Variants in ARAP1 observed in about 807,000 individuals in gnomAD.
ARAP1 encodes the protein ArfGAP with RhoGAP domain, ankyrin repeat and PH domain 1.
ARAP1 carries 76 observed loss-of-function variants against 172.2 expected under a neutral mutation model. The observed-to-expected ratio is 0.44, with a 90% CI of 0.37 to 0.53. The LOEUF (loss-of-function observed/expected upper bound fraction) is 0.53. Among genes scored for constraint, ARAP1 ranks in the 20% least tolerant of loss-of-function variants. The pLI, the probability that ARAP1 is intolerant of heterozygous loss-of-function variation, is 0.00. For missense variants in ARAP1, 1,686 were observed against 1,977.5 expected, an observed-to-expected ratio of 0.85 and a Z score of 2.80; for synonymous variants, 804 against 803.3, an observed-to-expected ratio of 1.00 and a Z score of -0.01.
chr11:72,749,352 A>T (rs1858468908), intron 1 of ARAP1, among the ~76,000 whole-genome samples: 1 of 152,084 alleles, frequency 6.6e-6, no homozygotes, highest in African/African-American at 2.4e-5. Flanking sequence ...AATGTCACCT[A>T]ATTTCTTGGG....
intron 2 of ARAP1, among the ~76,000 whole-genome samples, chr11:72,728,627 A>G (rs1857769642): frequency 6.6e-6 from 1 of 152,178 alleles, no homozygotes; most frequent in African/African-American, 2.4e-5. Context: ...GAAAATTAAT[A>G]TAACAGAAAT....
intron 16 of ARAP1, chr11:72,700,324 A>C (rs1856422297): frequency 6.6e-6 from 1 of 152,458 alleles, no homozygotes; most frequent in Non-Finnish European, 1.5e-5. Context: ...GTTCCAAAGA[A>C]ATCTCTTTGG....
intron 1 of ARAP1, among the ~76,000 whole-genome samples, chr11:72,747,210 C>T (rs1243868853): frequency 2.0e-5 from 3 of 152,196 alleles, no homozygotes; most frequent in African/African-American, 7.2e-5. Flanking sequence ...CTTCTCCCAC[C>T]CTCTTGCCTT....
chr11:72,698,085 C>G lies in ARAP1; in HGVS notation c.2563G>C (p.Glu855Gln). ...TCAAAATCCCGGGCCAGCAGATCCTCGGCTAGGGGAGGCACGAATGCCTGG... is the reference window on the plus strand; with the variant it reads ...TCAAAATCCCGGGCCAGCAGATCCTGGGCTAGGGGAGGCACGAATGCCTGG... ...IAKAFVPPLAEDLLARDFERL... is the reference protein window; with the variant it reads ...IAKAFVPPLAQDLLARDFERL... The change falls in exon 19 of 35, where the codon GAG becomes CAG. Residue 855 changes from glutamate (E) to glutamine (Q), a missense_variant. Glu to Gln is a conservative substitution (Grantham distance 29, BLOSUM62 2). Transcript: ENST00000393609. 1 of 1,601,942 alleles carries G rather than the reference C, an allele frequency of 6.2e-7. No individual in the cohort carries two copies. The highest frequency in any genetic ancestry group is 8.5e-7 in the Non-Finnish European group (1 of 1,175,042).
At position 72,687,737 on chromosome 11, in the gene ARAP1, A is replaced by C; in HGVS notation, c.4072T>G (p.Trp1358Gly). Residue 1358 changes from tryptophan (W) to glycine (G), a missense_variant and splice_region_variant, in exon 32 of 35, where the codon TGG becomes GGG. Physicochemically the swap from Trp to Gly is radical, Grantham distance 184. Around this residue, in one of 5 missense-constraint regions of ARAP1, gnomAD observed 379 missense variants for 500.1 expected, o/e 0.76. Transcript: ENST00000393609. ...VKKKLRPPTC[W>G]GFTVVHETEK... ...GTCTCATGCACCACTGTGAAGCCCC[A>C]GCTACAGAGGAAGAAGGGAGAGAGT... is the stretch of plus-strand genomic sequence containing the variant. The C allele has an allele frequency of 6.2e-7, 1 of 1,614,184 alleles. No individual in the cohort carries two copies. Among genetic ancestry groups the C allele is most frequent in the Non-Finnish European group, 8.5e-7 (1 of 1,180,026 alleles).
intron 3 of ARAP1, among the ~76,000 whole-genome samples, chr11:72,720,571 C>T (rs1199105779): frequency 6.6e-6 from 1 of 152,126 alleles, no homozygotes; most frequent in African/African-American, 2.4e-5. Flanking sequence ...GAATGACCAC[C>T]ACCCTACTCG....
Position 72,712,525 on chromosome 11 carries a change from GCCA to G in ARAP1, c.788_790del (p.Val263del). The G allele has an allele frequency of 6.2e-7, 1 of 1,613,464 alleles. No homozygotes were observed. Among genetic ancestry groups the G allele is most frequent in the Non-Finnish European group, 8.5e-7 (1 of 1,179,844 alleles). ...TTCCTCTCCCTCGCTCAGCAGACTGGCCACGCGCACGGCCCGTGGGACTCGGCT... is the reference window on the plus strand; with the variant it reads ...TTCCTCTCCCTCGCTCAGCAGACTGGCGCGCACGGCCCGTGGGACTCGGCT... On this transcript the variant is annotated inframe_deletion, in exon 6 of 35. Coordinates refer to ENST00000393609, the MANE Select transcript of ARAP1 (RefSeq NM_001040118.3).
chr11:72,749,320 G>T (rs1858468339), intron 1 of ARAP1, among the ~76,000 whole-genome samples: 1 of 152,180 alleles, frequency 6.6e-6, no homozygotes, highest in Admixed American at 6.5e-5. Flanking sequence ...GCCTCTCTGT[G>T]CCTCAGTTTC....
Position 72,716,509 on chromosome 11 carries a change from C to T in ARAP1, c.510-2188G>A, listed in dbSNP as rs954309319. On this transcript the variant is annotated intron_variant, in intron 3 of 34. Coordinates refer to ENST00000393609, the MANE Select transcript of ARAP1 (RefSeq NM_001040118.3). ...GGCCTGTGGAGGAACAGCATCTGGACGGAGAGAAACTATAAGCAGATTCTA... is the reference window on the plus strand; with the variant it reads ...GGCCTGTGGAGGAACAGCATCTGGATGGAGAGAAACTATAAGCAGATTCTA... Among the ~76,000 whole-genome samples, 3 of 152,374 alleles carry T rather than the reference C, an allele frequency of 2.0e-5. No individual in the cohort carries two copies. In the East Asian group the frequency reaches 5.8e-4, roughly 29 times the overall value.
intron 1 of ARAP1, among the ~76,000 whole-genome samples, chr11:72,733,889 T>C (rs1857936989): frequency 6.6e-6 from 1 of 152,212 alleles, no homozygotes; most frequent in African/African-American, 2.4e-5. Flanking sequence ...AGTAGCGCAA[T>C]CTTGGCTCAC....
At chr11:72,696,495 TAGA>T in intron 23 of ARAP1, 51 bp downstream of exon 23, 2 of 1,381,198 alleles carry the variant, frequency 1.4e-6, no homozygotes, top group Middle Eastern at 1.9e-4. Context: ...AGGGTGGGGG[TAGA>T]AGAACCTTCA....
chr11:72,730,121 G>T (rs1297418599), intron 2 of ARAP1, among the ~76,000 whole-genome samples: 3 of 151,764 alleles, frequency 2.0e-5, no homozygotes, highest in African/African-American at 7.3e-5. Flanking sequence ...CCACACAAAG[G>T]GCTCATTTTC....
chr11:72,714,199 C>A lies in ARAP1; in HGVS notation c.632G>T (p.Cys211Phe). Reference protein sequence around the residue: ...GPPQPPSPPPCPPEIPPKPVR... With the variant: ...GPPQPPSPPPFPPEIPPKPVR... ...CGGCTTTGGAGGTATCTCCGGGGGG[C>A]AGGGAGGTGGAGAGGGAGGCTGGGG... Residue 211 changes from cysteine (C) to phenylalanine (F), a missense_variant, in exon 4 of 35, where the codon TGC becomes TTC. By Grantham distance (205) the Cys-to-Phe change is radical (BLOSUM62 -2). Around this residue, in one of 5 missense-constraint regions of ARAP1, gnomAD observed 155 missense variants for 129.2 expected, o/e 1.20. Transcript: ENST00000393609. 1 of 1,520,606 alleles carries A rather than the reference C, an allele frequency of 6.6e-7. No individual in the cohort carries two copies. Among genetic ancestry groups the A allele is most frequent in the Admixed American group, 2.4e-5 (1 of 41,248 alleles). 94.2% of individuals were successfully genotyped at this position (1,520,606 alleles called of 1,614,324 possible). A position where few individuals can be genotyped will look rare whatever the true frequency, so the allele number is the denominator to read the frequency against.
chr11:72,718,063 G>A (rs145198800), intron 3 of ARAP1, among the ~76,000 whole-genome samples: 42 of 152,290 alleles, frequency 2.8e-4, no homozygotes, highest in Admixed American at 1.8e-3. Context: ...GGAAGGGACC[G>A]TGTCTCACGA....
chr11:72,688,194 AGGCT>A, intron 31 of ARAP1, among the ~76,000 whole-genome samples: 1 of 152,146 alleles, frequency 6.6e-6, no homozygotes, highest in East Asian at 1.9e-4. Context: ...CATGTTGCCC[AGGCT>A]GGTTTCGAAC....
intron 29 of ARAP1, 50 bp from the exon 30 acceptor site, chr11:72,692,835 A>C: frequency 6.2e-7 from 1 of 1,609,050 alleles, no homozygotes; most frequent in Non-Finnish European, 8.5e-7. Flanking sequence ...GTCTAGAGCC[A>C]GGACAGCATG....
chr11:72,739,704 A>T (rs1490493833), intron 1 of ARAP1, among the ~76,000 whole-genome samples: 1 of 152,196 alleles, frequency 6.6e-6, no homozygotes, highest in Non-Finnish European at 1.5e-5. Context: ...ACTGGAGGCC[A>T]GCGTGCTCTT....
At chr11:72,750,270 T>C (rs1187438331) in intron 1 of ARAP1, among the ~76,000 whole-genome samples, 1 of 151,692 alleles carries the variant, frequency 6.6e-6, no homozygotes, top group Non-Finnish European at 1.5e-5. Context: ...GGGGCCAGGG[T>C]CAGCGCTGGA....
Position 72,698,126 on chromosome 11 carries a change from G to A in ARAP1, c.2542-20C>T, listed in dbSNP as rs759428566. On this transcript the variant is annotated intron_variant, in intron 18 of 34. Transcript: ENST00000393609. ...GAATGCCTGGCAGAGAGGCGCCGGGGGAGACAGCATCAGCCAACGGCACTG... is the reference window on the plus strand; with the variant it reads ...GAATGCCTGGCAGAGAGGCGCCGGGAGAGACAGCATCAGCCAACGGCACTG... 6.4e-7 allele frequency: 1 copy of A among 1,568,052 alleles called. No individual in the cohort carries two copies. The highest frequency in any genetic ancestry group is 2.3e-5 in the East Asian group (1 of 43,300).
Sources: allele counts gnomAD v4.1 joint callset (sites outside exome capture counted in the v4.1 genomes callset), GRCh38; gene constraint gnomAD v4.1.1; regional missense constraint gnomAD v4.1.1; transcripts MANE v1.5; gene names NCBI Gene and HGNC (gene_info 2026-07-23, HGNC 2026-07-21).